The following MTUS2 variants were observed in gnomAD, a reference collection of about 807,000 sequenced individuals.
MTUS2 encodes microtubule-associated tumor suppressor candidate 2.
A neutral mutation model predicts 114.1 loss-of-function variants in MTUS2; 40 were observed. The ratio of observed to expected loss-of-function variants is 0.35; its 90% CI spans 0.27 to 0.46. The LOEUF is 0.46. Among genes scored for constraint, MTUS2 ranks in the 20% least tolerant of loss-of-function variants. The pLI, the probability that MTUS2 is intolerant of heterozygous loss-of-function variation, is 1.00. For synonymous variants in MTUS2, 688 were observed against 672.0 expected (o/e 1.02, Z -0.37); for missense variants, 1,679 against 1,705.4 (o/e 0.98, Z 0.27).
At chr13:28,847,570 T>C (rs1875971586) in intron 2 of MTUS2, among the ~76,000 whole-genome samples, 1 of 152,210 alleles carries the variant, frequency 6.6e-6, no homozygotes, top group African/African-American at 2.4e-5. Context: ...TTGTTGTGGC[T>C]CTGGCAAATT....
At chr13:29,474,619 A>G (rs1880554638) in intron 9 of MTUS2, among the ~76,000 whole-genome samples, 2 of 152,168 alleles carry the variant, frequency 1.3e-5, no homozygotes, top group Non-Finnish European at 2.9e-5. Flanking sequence ...GTTTAACAAT[A>G]TATTACGGAG....
chr13:29,180,381 C>G (rs1893947187), intron 5 of MTUS2, among the ~76,000 whole-genome samples: 1 of 152,122 alleles, frequency 6.6e-6, no homozygotes, highest in African/African-American at 2.4e-5. Flanking sequence ...AAGAAACAAG[C>G]AACCCTGAGA....
intron 5 of MTUS2, among the ~76,000 whole-genome samples, chr13:29,214,011 T>G (rs34274062): frequency 0.083 from 12,610 of 152,150 alleles, 679 homozygotes; most frequent in African/African-American, 0.14. Flanking sequence ...GGGTTCATAA[T>G]ATTAATGTAT....
At chr13:29,428,315 C>G (rs1322505917) in intron 8 of MTUS2, among the ~76,000 whole-genome samples, 1 of 152,248 alleles carries the variant, frequency 6.6e-6, no homozygotes, top group African/African-American at 2.4e-5. Context: ...GCAGCAGAGC[C>G]AAGCCCTGGC....
chr13:28,906,334 T>C (rs1482907486), intron 2 of MTUS2, among the ~76,000 whole-genome samples: 2 of 151,146 alleles, frequency 1.3e-5, no homozygotes, highest in Non-Finnish European at 2.9e-5. Context: ...CTAGTTCTTT[T>C]AATTGTGATG....
At chr13:29,450,795 T>C (rs1328285850) in intron 9 of MTUS2, among the ~76,000 whole-genome samples, 1 of 152,240 alleles carries the variant, frequency 6.6e-6, no homozygotes, top group Non-Finnish European at 1.5e-5. Flanking sequence ...AATGTCTATA[T>C]TCATATCACA....
intron 5 of MTUS2, among the ~76,000 whole-genome samples, chr13:29,188,006 G>A (rs1894294240): frequency 6.6e-6 from 1 of 152,144 alleles, no homozygotes. Context: ...CCAGGACCTT[G>A]GCTCCTAGCC....
rs138170242 is a variant in MTUS2, at chr13:28,874,296, C to T, written c.-243+34446C>T. ...ATTACAGGCATGAACCACCATGCCC[C>T]GCCACTTAATTTCATTTTTAGCCAT... On this transcript the variant is annotated intron_variant, in intron 2 of 15. Transcript: ENST00000612955. 4.0e-4 allele frequency among the ~76,000 whole-genome samples: 61 copies of T among 152,212 alleles called. 1 individual carries two copies. The East Asian group carries it at 5.2e-3, about 13-fold the overall frequency.
intron 5 of MTUS2, among the ~76,000 whole-genome samples, chr13:29,120,482 A>C (rs1328308486): frequency 6.6e-6 from 1 of 152,070 alleles, no homozygotes; most frequent in Non-Finnish European, 1.5e-5. Flanking sequence ...AAATTCCTAG[A>C]TTACTTTCTA....
chr13:29,471,742 G>GCCCC (rs559849711), intron 9 of MTUS2, among the ~76,000 whole-genome samples: 7,182 of 131,000 alleles, frequency 0.055, 273 homozygotes, highest in Non-Finnish European at 0.067. Context: ...TGCAGGCCCA[G>GCCCC]CCCCCCCCGA....
At position 29,033,978 on chromosome 13, in the gene MTUS2, A is replaced by T; in HGVS notation, c.2299A>T (p.Lys767Ter). The T allele has an allele frequency of 6.2e-7, 1 of 1,613,966 alleles. No homozygotes were observed. The highest frequency in any genetic ancestry group is 8.5e-7 in the Non-Finnish European group (1 of 1,179,892). Residue 767 changes from lysine to a stop codon, truncating the protein, a stop_gained, in exon 4 of 16, where the codon AAG (lysine) becomes TAG (stop). Coordinates refer to ENST00000612955, the MANE Select transcript of MTUS2 (RefSeq NM_001033602.4). LOFTEE classifies it high-confidence loss of function. ...TTTCTATCGGTCAGCCATGCTCCTT[A>T]AGCCCCAGCTAGGATTGGGTGCAAT... ...PTFYRSAMLLKPQLGLGAMSR... is the reference protein window; with the variant it reads ...PTFYRSAMLL
intron 7 of MTUS2, among the ~76,000 whole-genome samples, chr13:29,337,409 G>A (rs912927784): frequency 6.6e-6 from 1 of 152,028 alleles, no homozygotes; most frequent in Non-Finnish European, 1.5e-5. Context: ...GGAGTTCTTA[G>A]ACCCCTAGCA....
intron 5 of MTUS2, among the ~76,000 whole-genome samples, chr13:29,188,034 G>A (rs1198014223): frequency 6.6e-6 from 1 of 152,136 alleles, no homozygotes; most frequent in East Asian, 1.9e-4. Context: ...CCATCACCTG[G>A]AGAATTTTCA....
chr13:29,370,677 G>A (rs983593220), intron 8 of MTUS2, among the ~76,000 whole-genome samples: 1 of 152,144 alleles, frequency 6.6e-6, no homozygotes, highest in East Asian at 1.9e-4. Context: ...CCTCCAGACT[G>A]TGAACAAAAT....
chr13:29,086,917 T>C (rs766828886), intron 4 of MTUS2, among the ~76,000 whole-genome samples: 6 of 152,194 alleles, frequency 3.9e-5, no homozygotes, highest in Non-Finnish European at 7.4e-5. Flanking sequence ...CAAATGTTAT[T>C]GGTGTATATG....
chr13:29,148,169 A>AT (rs888258847), intron 5 of MTUS2, among the ~76,000 whole-genome samples: 2 of 125,164 alleles, frequency 1.6e-5, no homozygotes, highest in African/African-American at 3.0e-5. Context: ...TGTGGTTTTG[A>AT]TTTTTTTTTC....
At chr13:28,862,928 T>C (rs2138072546) in intron 2 of MTUS2, among the ~76,000 whole-genome samples, 2 of 152,344 alleles carry the variant, frequency 1.3e-5, no homozygotes, top group South Asian at 4.1e-4. Flanking sequence ...CTTCCTTTTC[T>C]CTATTTCCCA....
At chr13:28,993,376 G>A (rs79040309) in intron 2 of MTUS2, among the ~76,000 whole-genome samples, 2,681 of 152,216 alleles carry the variant, frequency 0.018, 80 homozygotes, top group African/African-American at 0.06. Flanking sequence ...AAGTGTTTCA[G>A]TTTCTTTACA....
chr13:29,245,811 C>G (rs1266744203), intron 5 of MTUS2, among the ~76,000 whole-genome samples: 1 of 150,572 alleles, frequency 6.6e-6, no homozygotes, highest in African/African-American at 2.4e-5. Context: ...AGCCTCCTGT[C>G]TCAGCCTCCT....
Sources: allele counts gnomAD v4.1 joint callset (sites outside exome capture counted in the v4.1 genomes callset), GRCh38; gene constraint gnomAD v4.1.1; transcripts MANE v1.5; gene names NCBI Gene and HGNC (gene_info 2026-07-23, HGNC 2026-07-21).